Variants in MAF observed in about 807,000 individuals in gnomAD.
MAF encodes the protein MAF bZIP transcription factor.
A neutral mutation model predicts 22.0 loss-of-function variants in MAF; 10 were observed. The observed-to-expected ratio is 0.45, with a 90% CI of 0.28 to 0.77. The LOEUF (loss-of-function observed/expected upper bound fraction) is 0.77. Ranked by LOEUF, MAF falls within the 30% of genes least tolerant of loss-of-function variation. The probability of loss-of-function intolerance (pLI) is 0.12; values close to 1 mark genes in which losing one functional copy is unlikely to be tolerated. For missense variants in MAF, 544 were observed against 548.4 expected (o/e 0.99, Z 0.08); for synonymous variants, 337 against 255.8 (o/e 1.32, Z -3.03).
At chr16:79,384,380 G>T in the MAF span, among the ~76,000 whole-genome samples, 1 of 149,626 alleles carries the variant, frequency 6.7e-6, no homozygotes, top group Non-Finnish European at 1.5e-5. Flanking sequence ...GGGAGGCAGA[G>T]GTTGCAGTGA....
chr16:79,344,660 C>G, the MAF span, among the ~76,000 whole-genome samples: 1,449 of 152,188 alleles, frequency 9.5e-3, 14 homozygotes, highest in Non-Finnish European at 0.016. Context: ...AAGAGCTGTC[C>G]GAATCATAGT....
At chr16:79,416,830 C>A in the MAF span, among the ~76,000 whole-genome samples, 1 of 152,142 alleles carries the variant, frequency 6.6e-6, no homozygotes, top group Non-Finnish European at 1.5e-5. Context: ...TTGACTATTT[C>A]TTCATGGGTA....
chr16:79,532,678 G>A, the MAF span, among the ~76,000 whole-genome samples: 3 of 152,204 alleles, frequency 2.0e-5, no homozygotes, highest in East Asian at 1.9e-4. Flanking sequence ...TGAAATATGC[G>A]TCATAAAGCA....
chr16:79,587,869 A>AGGG (rs5818249), intron 1 of MAF, among the ~76,000 whole-genome samples: 87 of 118,946 alleles, frequency 7.3e-4, no homozygotes, highest in Non-Finnish European at 1.1e-3. Context: ...TACTTTCAAA[A>AGGG]GGGGGGGGGG....
At chr16:79,326,815 T>C in the MAF span, among the ~76,000 whole-genome samples, 5,164 of 152,208 alleles carry the variant, frequency 0.034, 316 homozygotes, top group African/African-American at 0.12. Context: ...GCTGAGAAAA[T>C]TGGCAAATAT....
the MAF span, among the ~76,000 whole-genome samples, chr16:79,295,869 ACGTT>A: frequency 6.6e-6 from 1 of 152,220 alleles, no homozygotes; most frequent in Non-Finnish European, 1.5e-5. Flanking sequence ...AACTGAAGCC[ACGTT>A]CTTTGCCCAA....
the MAF span, among the ~76,000 whole-genome samples, chr16:79,324,481 C>T: frequency 2.0e-5 from 3 of 152,088 alleles, no homozygotes; most frequent in African/African-American, 7.2e-5. Context: ...TAGCAGGGGG[C>T]CCTAGAACCA....
the MAF span, among the ~76,000 whole-genome samples, chr16:79,480,177 T>C: frequency 6.6e-6 from 1 of 152,082 alleles, no homozygotes. Flanking sequence ...AGTAAACGCG[T>C]GAGTATCCAC....
At chr16:79,216,591 A>T in the MAF span, among the ~76,000 whole-genome samples, 1 of 152,124 alleles carries the variant, frequency 6.6e-6, no homozygotes, top group African/African-American at 2.4e-5. Flanking sequence ...CCTTTGTCCA[A>T]CTCTAGGTAA....
chr16:79,493,146 TTG>T, the MAF span, among the ~76,000 whole-genome samples: 110 of 151,424 alleles, frequency 7.3e-4, no homozygotes, highest in African/African-American at 2.4e-3. Context: ...TTTTTTTGTT[TTG>T]TTTTGTCTTG....
the MAF span, among the ~76,000 whole-genome samples, chr16:79,555,981 C>T: frequency 2.0e-5 from 3 of 151,690 alleles, no homozygotes; most frequent in East Asian, 1.9e-4. Context: ...GTGATGATTT[C>T]GTTTAGTTTA....
chr16:79,240,702 C>G, the MAF span, among the ~76,000 whole-genome samples: 1 of 151,784 alleles, frequency 6.6e-6, no homozygotes, highest in Non-Finnish European at 1.5e-5. Context: ...TGCTAAGGGT[C>G]AGACTGCCTC....
At chr16:79,255,038 C>A in the MAF span, among the ~76,000 whole-genome samples, 2 of 152,168 alleles carry the variant, frequency 1.3e-5, no homozygotes, top group East Asian at 3.8e-4. Flanking sequence ...ACTCTGGATC[C>A]TTGCCTACCA....
the MAF span, among the ~76,000 whole-genome samples, chr16:79,546,722 C>T: frequency 1.8e-4 from 28 of 152,132 alleles, no homozygotes; most frequent in South Asian, 2.7e-3. Flanking sequence ...ACTCAGTTTC[C>T]GCCTCTATAA....
At chr16:79,401,538 T>C in the MAF span, among the ~76,000 whole-genome samples, 4 of 152,152 alleles carry the variant, frequency 2.6e-5, no homozygotes, top group Admixed American at 2.6e-4. Context: ...TTTAAATTGT[T>C]GCTCTTTCTA....
the MAF span, among the ~76,000 whole-genome samples, chr16:79,393,237 C>T: frequency 2.0e-5 from 3 of 152,148 alleles, no homozygotes; most frequent in African/African-American, 4.8e-5. Context: ...AAGGCTTCCA[C>T]AATTCCTGGG....
At chr16:79,428,888 G>A in the MAF span, among the ~76,000 whole-genome samples, 3 of 131,222 alleles carry the variant, frequency 2.3e-5, no homozygotes, top group Non-Finnish European at 4.9e-5. Flanking sequence ...ATGAAAGGGA[G>A]AGGACCATCC....
the MAF span, among the ~76,000 whole-genome samples, chr16:79,426,816 C>T: frequency 6.6e-6 from 1 of 152,238 alleles, no homozygotes; most frequent in Admixed American, 6.5e-5. Context: ...AGCAGGAAGG[C>T]TGGCGTGAGC....
downstream of MAF, among the ~76,000 whole-genome samples, chr16:79,582,006 T>C (rs1404935007): frequency 1.3e-5 from 2 of 152,208 alleles, no homozygotes; most frequent in Non-Finnish European, 1.5e-5. Flanking sequence ...GTATTTCCTA[T>C]AGATACAGAA....
Sources: allele counts gnomAD v4.1 joint callset (sites outside exome capture counted in the v4.1 genomes callset), GRCh38; gene constraint gnomAD v4.1.1; transcripts MANE v1.5; gene names NCBI Gene and HGNC (gene_info 2026-07-23, HGNC 2026-07-21).